Variants in GARS1 observed in about 807,000 individuals in gnomAD.
The protein encoded by GARS1 is glycyl-tRNA synthetase 1, also known as glycine--tRNA ligase.
Under a neutral mutation model 86.4 loss-of-function variants are expected in GARS1, and 46 were observed. The observed-to-expected ratio is 0.53, with a 90% CI of 0.42 to 0.68. The LOEUF is 0.68. GARS1 is among the 30% of genes least tolerant of loss of function. The probability of loss-of-function intolerance (pLI) is 0.00; values close to 1 mark genes in which losing one functional copy is unlikely to be tolerated. For missense variants in GARS1, 797 were observed against 915.6 expected (o/e 0.87, Z 1.67); for synonymous variants, 342 against 329.8 (o/e 1.04, Z -0.40).
At chr7:30,598,107 T>G (rs191886179) in intron 1 of GARS1, among the ~76,000 whole-genome samples, 185 of 152,324 alleles carry the variant, frequency 1.2e-3, no homozygotes, top group Non-Finnish European at 1.5e-3. Flanking sequence ...TGTTTTTATT[T>G]TTTTTTGTAA....
At position 30,612,183 on chromosome 7, in the gene GARS1, T is replaced by G; in HGVS notation, c.969T>G (p.Ala323=). The G allele has an allele frequency of 6.2e-7, 1 of 1,614,168 alleles. No homozygotes were observed. The part of the protein sequence containing the change: ...EFNQGKLPFA[A]AQIGNSFRNE... ...ACCAAGGAAAGTTGCCTTTTGCTGC[T>G]GCCCAGATTGGAAATTCTTTTAGAA... Residue 323 remains alanine (A), a synonymous_variant, in exon 8 of 17, where the codon GCT becomes GCG. Coordinates refer to ENST00000389266, the MANE Select transcript of GARS1 (RefSeq NM_002047.4).
Position 30,609,454 on chromosome 7 carries a change from G to A in GARS1, c.736-131G>A, listed in dbSNP as rs1791549564. 4 of 745,346 alleles carry A rather than the reference G, an allele frequency of 5.4e-6. No homozygotes were observed. In the Admixed American group the frequency reaches 6.2e-5, roughly 12 times the overall value. The allele number at this position is 745,346 out of a possible 1,614,324, so 46.2% of individuals were successfully genotyped here. The stretch of plus-strand genomic sequence containing the variant: ...TGGTTTTAATGTGGGTGTCCTGAAG[G>A]TTAGGTTAATTGTGATGTTCCTGAA... On this transcript the variant is annotated intron_variant, in intron 6 of 16. Coordinates refer to ENST00000389266, the MANE Select transcript of GARS1 (RefSeq NM_002047.4).
chr7:30,607,691 TATA>T (rs774880028), intron 6 of GARS1, among the ~76,000 whole-genome samples: 1 of 152,344 alleles, frequency 6.6e-6, no homozygotes, highest in East Asian at 1.9e-4. Flanking sequence ...GAACTTAAAG[TATA>T]ATAAAAAAGT....
chr7:30,613,089 G>C (rs1293671995), intron 8 of GARS1, among the ~76,000 whole-genome samples: 1 of 152,106 alleles, frequency 6.6e-6, no homozygotes, highest in African/African-American at 2.4e-5. Context: ...TTACAGACTT[G>C]GGTCATAACA....
chr7:30,618,397 GC>G (rs1782931600), intron 10 of GARS1, among the ~76,000 whole-genome samples: 1 of 152,160 alleles, frequency 6.6e-6, no homozygotes, highest in African/African-American at 2.4e-5. Flanking sequence ...ACTTTGGGAG[GC>G]CGAGGTGGGA....
chr7:30,630,516 C>A (rs1783214079), intron 14 of GARS1, among the ~76,000 whole-genome samples: 1 of 144,150 alleles, frequency 6.9e-6, no homozygotes, highest in African/African-American at 2.6e-5. Context: ...TTTATTTTCG[C>A]CTTTTTTTTT....
At chr7:30,613,811 G>A (rs1782830641) in intron 8 of GARS1, among the ~76,000 whole-genome samples, 1 of 152,140 alleles carries the variant, frequency 6.6e-6, no homozygotes, top group South Asian at 2.1e-4. Flanking sequence ...TTTGTTCCAT[G>A]GTAGGACTAG....
At position 30,617,183 on chromosome 7, in the gene GARS1, A is replaced by C; in HGVS notation, c.1264A>C (p.Ile422Leu). 1 of 1,614,084 alleles carries C rather than the reference A, an allele frequency of 6.2e-7. No homozygotes were observed. Among genetic ancestry groups the C allele is most frequent in the Non-Finnish European group, 8.5e-7 (1 of 1,179,940 alleles). ...CTACCTCTACCTCACGAAGGTTGGA[A>C]TATCTCCAGATAAACTCCGCTTCCG... Reference protein sequence around the residue: ...RIYLYLTKVGISPDKLRFRQH... With the variant: ...RIYLYLTKVGLSPDKLRFRQH... Residue 422 changes from isoleucine (I) to leucine (L), a missense_variant, in exon 10 of 17, where the codon ATA becomes CTA. Around this residue, in one of 2 missense-constraint regions of GARS1, gnomAD observed 598 missense variants for 738.7 expected, o/e 0.81. Coordinates refer to ENST00000389266, the MANE Select transcript of GARS1 (RefSeq NM_002047.4).
rs186309742 is a variant in GARS1, at chr7:30,601,044, T to G, written c.428-15T>G. The G allele has an allele frequency of 1.2e-6, 2 of 1,613,452 alleles. No homozygotes were observed. Among genetic ancestry groups the G allele is most frequent in the South Asian group, 2.2e-5 (2 of 91,058 alleles). On this transcript the variant is annotated splice_polypyrimidine_tract_variant and intron_variant, in intron 3 of 16. Transcript: ENST00000389266. The stretch of plus-strand genomic sequence containing the variant: ...TAACAAGGTAAAGTATGTGTTTTCC[T>G]CTCATATTCTATAGGTGTTAGTGGT...
chr7:30,617,750 A>AT (rs1782918794), intron 10 of GARS1, among the ~76,000 whole-genome samples: 1 of 152,186 alleles, frequency 6.6e-6, no homozygotes, highest in Non-Finnish European at 1.5e-5. Flanking sequence ...AATGTTATGT[A>AT]TTTAACTCAA....
intron 13 of GARS1, among the ~76,000 whole-genome samples, chr7:30,628,100 T>A (rs771159488): frequency 6.6e-6 from 1 of 152,212 alleles, no homozygotes; most frequent in African/African-American, 2.4e-5. Flanking sequence ...TTTAGGTATG[T>A]TCTAGTTTCT....
At chr7:30,631,240 C>T (rs1051751477) in intron 14 of GARS1, 5 of 463,014 alleles carry the variant, frequency 1.1e-5, no homozygotes, top group African/African-American at 1.0e-4. Context: ...CATGACTTGG[C>T]CTAAATTCGG....
In GARS1 at chr7:30,622,383, G is replaced by A. The variant is rs750971084; in HGVS notation, c.1534G>A (p.Ala512Thr). ...AATTGGTAAGGCATATAAGAAGGATGCAAAACTGGTGATGGAGTATCTTGC... is the reference window on the plus strand; with the variant it reads ...AATTGGTAAGGCATATAAGAAGGATACAAAACTGGTGATGGAGTATCTTGC... The part of the protein sequence containing the change: ...GAIGKAYKKD[A>T]KLVMEYLAIC... Residue 512 changes from alanine to threonine, a missense_variant, in exon 12 of 17, where the codon GCA (alanine) becomes ACA (threonine). Physicochemically the swap from Ala to Thr is moderately conservative, Grantham distance 58 (BLOSUM62 0). Coordinates refer to ENST00000389266, the MANE Select transcript of GARS1 (RefSeq NM_002047.4). The A allele has an allele frequency of 1.4e-5, 23 of 1,614,010 alleles. No homozygotes were observed. In the Admixed American group the frequency reaches 3.5e-4, roughly 25 times the overall value.
intron 12 of GARS1, among the ~76,000 whole-genome samples, chr7:30,624,114 T>C (rs1007822239): frequency 1.3e-5 from 2 of 152,150 alleles, no homozygotes; most frequent in African/African-American, 4.8e-5. Flanking sequence ...TTTGCATTTT[T>C]TTTTTCTTAG....
intron 1 of GARS1, 54 bp downstream of exon 1, chr7:30,595,197 C>G (rs1791220699): frequency 6.9e-7 from 1 of 1,440,486 alleles, no homozygotes; most frequent in African/African-American, 1.4e-5. Flanking sequence ...CCAGGGCCTT[C>G]TTCTGGTCAT....
intron 10 of GARS1, among the ~76,000 whole-genome samples, chr7:30,618,546 A>C (rs1426306065): frequency 6.6e-6 from 1 of 152,174 alleles, no homozygotes; most frequent in South Asian, 2.1e-4. Context: ...AGGTGGGAAG[A>C]TCACATGAGC....
chr7:30,628,813 A>G (rs1283083663), intron 14 of GARS1, 144 bp downstream of exon 14: 2 of 586,926 alleles, frequency 3.4e-6, no homozygotes, highest in Non-Finnish European at 6.2e-6. Flanking sequence ...TCTTTGCTTA[A>G]GTATGTATAG....
intron 8 of GARS1, 118 bp from the exon 9 acceptor site, chr7:30,615,778 C>A: frequency 1.8e-6 from 2 of 1,132,878 alleles, no homozygotes; most frequent in Non-Finnish European, 2.5e-6. Context: ...GTGAAAAAGA[C>A]CACTATAGTA....
chr7:30,631,533 A>AT lies in GARS1; in HGVS notation c.1895_1896insT (p.Lys632AsnfsTer31), dbSNP rs1161067315. The AT allele has an allele frequency of 3.1e-6, 5 of 1,611,138 alleles. No homozygotes were observed. The highest frequency in any genetic ancestry group is 4.2e-6 in the Non-Finnish European group (5 of 1,177,524). On this transcript the variant is annotated frameshift_variant, in exon 15 of 17. Transcript: ENST00000389266. LOFTEE classifies it high-confidence loss of function. ...AACCAGGAGTTCATGCCATTTGTCA[A>AT]GGAATTATGTAAGCAAATTCAATTG...
Sources: allele counts gnomAD v4.1 joint callset (sites outside exome capture counted in the v4.1 genomes callset), GRCh38; gene constraint gnomAD v4.1.1; regional missense constraint gnomAD v4.1.1; transcripts MANE v1.5; gene names NCBI Gene and HGNC (gene_info 2026-07-23, HGNC 2026-07-21).